Variants in OPA3 observed in about 807,000 individuals in gnomAD.
OPA3 encodes optic atrophy 3 protein.
A neutral mutation model predicts 4.0 loss-of-function variants in OPA3; 6 were observed. That is an observed-to-expected ratio of 1.51 (90% CI 0.83 to 2.99). The LOEUF (loss-of-function observed/expected upper bound fraction) is 2.99. OPA3 is among the 30% of genes most tolerant of loss of function. The pLI, the probability that OPA3 is intolerant of heterozygous loss-of-function variation, is 0.00. For synonymous variants in OPA3, 105 were observed against 117.1 expected, an observed-to-expected ratio of 0.90 and a Z score of 0.67; for missense variants, 235 against 256.2, an observed-to-expected ratio of 0.92 and a Z score of 0.56.
chr19:45,535,082 C>A (rs367700812), intron 1 of OPA3, among the ~76,000 whole-genome samples: 26 of 152,260 alleles, frequency 1.7e-4, no homozygotes, highest in Admixed American at 1.4e-3. Flanking sequence ...AGGTTCCCAA[C>A]AACAGGGATC....
chr19:45,537,410 A>AAAAAAAAAAAAAAAG (rs1555730890), intron 1 of OPA3, among the ~76,000 whole-genome samples: 6 of 120,116 alleles, frequency 5.0e-5, no homozygotes, highest in Non-Finnish European at 6.8e-5. Context: ...AAAAAAAAAA[A>AAAAAAAAAAAAAAAG]AAAAAAAAAA....
rs1398202291 is a variant in OPA3, at chr19:45,549,245, C to G, written c.*4269G>C. On this transcript the variant is annotated 3_prime_UTR_variant, in exon 2 of 2. Transcript: ENST00000263275. The stretch of plus-strand genomic sequence containing the variant: ...GCAGAACACACGAGCAGTGAACCAT[C>G]CTCTGGCCTCTTGCATTTTGAGAGG... 1.0e-6 allele frequency: 1 copy of G among 985,334 alleles called. No individual in the cohort carries two copies. Among genetic ancestry groups the G allele is most frequent in the African/African-American group, 1.7e-5 (1 of 57,254 alleles). 61.0% of individuals were successfully genotyped at this position (985,334 alleles called of 1,614,324 possible).
In OPA3 at chr19:45,564,831, CTAA is replaced by C. The variant is rs1969558750; in HGVS notation, c.143-10923_143-10921del. Among the ~76,000 whole-genome samples, 3 of 152,266 alleles carry C rather than the reference CTAA, an allele frequency of 2.0e-5. No individual in the cohort carries two copies. In the South Asian group the frequency reaches 6.2e-4, roughly 32 times the overall value. On this transcript the variant is annotated intron_variant, in intron 1 of 1. Coordinates refer to ENST00000263275, the MANE Select transcript of OPA3 (RefSeq NM_025136.4). ...TTTACTTTCTCTATAAAGTTTTATC[CTAA>C]TGTGACTTTTTTATGCTCAAATGTC...
In OPA3 at chr19:45,548,230, G is replaced by A. The variant is rs967970192; in HGVS notation, c.*5284C>T. The A allele has an allele frequency of 2.0e-6, 2 of 985,680 alleles. No individual in the cohort carries two copies. The highest frequency in any genetic ancestry group is 1.2e-6 in the Non-Finnish European group (1 of 830,022). 61.1% of individuals were successfully genotyped at this position (985,680 alleles called of 1,614,324 possible). A position where few individuals can be genotyped will look rare whatever the true frequency, so the allele number is the denominator to read the frequency against. On this transcript the variant is annotated 3_prime_UTR_variant, in exon 2 of 2. Coordinates refer to ENST00000263275, the MANE Select transcript of OPA3 (RefSeq NM_025136.4). ...CAGCAACACAGCGACCAGCCCAGGA[G>A]TAGCTCCGTGAGCCAATAGATCAGG...
chr19:45,531,102 C>T (rs1168599651), intron 1 of OPA3, among the ~76,000 whole-genome samples: 1 of 151,512 alleles, frequency 6.6e-6, no homozygotes, highest in Non-Finnish European at 1.5e-5. Flanking sequence ...TTTTTTTTTA[C>T]TGTTTATTGG....
At chr19:45,572,395 CAT>C (rs200917076) in intron 1 of OPA3, among the ~76,000 whole-genome samples, 8,907 of 123,512 alleles carry the variant, frequency 0.072, 775 homozygotes, top group East Asian at 0.18. Context: ...TATATATCAA[CAT>C]ATGAGATTAT....
Position 45,546,373 on chromosome 19 carries a change from C to A in OPA3, c.*7141G>T. 3.1e-6 allele frequency: 2 copies of A among 635,108 alleles called. No homozygotes were observed. Among genetic ancestry groups the A allele is most frequent in the Non-Finnish European group, 3.9e-6 (2 of 511,094 alleles). 39.3% of individuals were successfully genotyped at this position (635,108 alleles called of 1,614,324 possible). On this transcript the variant is annotated 3_prime_UTR_variant, in exon 2 of 2. Transcript: ENST00000263275. ...ATAGATGATGTTATGTTACACATGA[C>A]ATAAAATATATATTTTATATTCCAT...
intron 1 of OPA3, among the ~76,000 whole-genome samples, chr19:45,572,502 TATATATC>T (rs1427191990): frequency 1.3e-4 from 15 of 117,292 alleles, no homozygotes; most frequent in African/African-American, 3.9e-4. Flanking sequence ...ATATATGAGA[TATATATC>T]ATATATGAGA....
At position 45,551,021 on chromosome 19, in the gene OPA3, C is replaced by T. The variant is rs756206551; in HGVS notation, c.*2493G>A. 8.7e-6 allele frequency: 8 copies of T among 922,486 alleles called. No homozygotes were observed. Among genetic ancestry groups the T allele is most frequent in the African/African-American group, 1.8e-5 (1 of 55,928 alleles). The allele number at this position is 922,486 out of a possible 1,614,324, so 57.1% of individuals were successfully genotyped here. A position where few individuals can be genotyped will look rare whatever the true frequency, so the allele number is the denominator to read the frequency against. ...TGTCATCCAGGCTGGAGTGTAGTGGCGCGATCACGGCTCGCTGCAGCCTCG... is the reference window on the plus strand; with the variant it reads ...TGTCATCCAGGCTGGAGTGTAGTGGTGCGATCACGGCTCGCTGCAGCCTCG... On this transcript the variant is annotated 3_prime_UTR_variant, in exon 2 of 2. Coordinates refer to ENST00000263275, the MANE Select transcript of OPA3 (RefSeq NM_025136.4).
intron 1 of OPA3, among the ~76,000 whole-genome samples, chr19:45,572,600 T>TATATGTATATAAATATATATATCG: frequency 1.0e-5 from 1 of 97,100 alleles, no homozygotes; most frequent in Admixed American, 1.2e-4. Flanking sequence ...TATATATTGA[T>TATATGTATATAAATATATATATCG]ATATATCATA....
At chr19:45,559,397 C>CTTTTTTTTTTTTT (rs71338781) in intron 1 of OPA3, among the ~76,000 whole-genome samples, 7 of 59,930 alleles carry the variant, frequency 1.2e-4, no homozygotes, top group Non-Finnish European at 1.5e-4. Context: ...CTTTTTCTTT[C>CTTTTTTTTTTTTT]TTTTTTTTTT....
At chr19:45,545,710 C>CTTTTTTT (rs991429583), downstream of OPA3, among the ~76,000 whole-genome samples, 2 of 129,528 alleles carry the variant, frequency 1.5e-5, no homozygotes, top group African/African-American at 2.9e-5. Context: ...ACATGCTTTT[C>CTTTTTTT]TTTTTTTTTT....
chr19:45,552,163 C>A lies in OPA3; in HGVS notation c.*1351G>T. Reference sequence around the variant, plus strand: ...TCTGTTGGAATAGTCCACTTCGGGTCTCAAGGGAAGGTACAATGATTCCAG... The same window carrying A: ...TCTGTTGGAATAGTCCACTTCGGGTATCAAGGGAAGGTACAATGATTCCAG... On this transcript the variant is annotated 3_prime_UTR_variant, in exon 2 of 2. Transcript: ENST00000263275. The A allele has an allele frequency of 2.0e-6, 2 of 985,374 alleles. No individual in the cohort carries two copies. The highest frequency in any genetic ancestry group is 2.4e-6 in the Non-Finnish European group (2 of 829,972). The allele number at this position is 985,374 out of a possible 1,614,324, so 61.0% of individuals were successfully genotyped here.
chr19:45,531,724 A>G (rs990160696), intron 1 of OPA3, among the ~76,000 whole-genome samples: 2 of 152,194 alleles, frequency 1.3e-5, no homozygotes, highest in Non-Finnish European at 2.9e-5. Context: ...TCGAAATCCT[A>G]TTCCTCAGCA....
chr19:45,566,494 C>T (rs1193536659), intron 1 of OPA3, among the ~76,000 whole-genome samples: 36 of 124,410 alleles, frequency 2.9e-4, no homozygotes, highest in Admixed American at 1.5e-3. Context: ...TTTTTTGAGA[C>T]GGAGTCTCGC....
chr19:45,573,818 A>T (rs1440856253), intron 1 of OPA3, among the ~76,000 whole-genome samples: 1 of 152,208 alleles, frequency 6.6e-6, no homozygotes, highest in Non-Finnish European at 1.5e-5. Context: ...ATCTGAGTGC[A>T]CGAAGTCTTT....
At chr19:45,566,088 T>C (rs1199979893) in intron 1 of OPA3, among the ~76,000 whole-genome samples, 1 of 152,160 alleles carries the variant, frequency 6.6e-6, no homozygotes, top group African/African-American at 2.4e-5. Flanking sequence ...AAAAAGATAA[T>C]ATAGCATAAT....
chr19:45,582,830 A>G (rs1356738423), intron 1 of OPA3, among the ~76,000 whole-genome samples: 1 of 152,204 alleles, frequency 6.6e-6, no homozygotes, highest in Non-Finnish European at 1.5e-5. Context: ...CTCCTAAACC[A>G]TAATTTCTAA....
chr19:45,584,413 G>A, intron 1 of OPA3: 10 of 985,352 alleles, frequency 1.0e-5, no homozygotes, highest in Non-Finnish European at 1.2e-5. Flanking sequence ...CTACTCGCGT[G>A]GTGGCTCCTT....
Sources: allele counts gnomAD v4.1 joint callset (sites outside exome capture counted in the v4.1 genomes callset), GRCh38; gene constraint gnomAD v4.1.1; transcripts MANE v1.5; gene names NCBI Gene and HGNC (gene_info 2026-07-23, HGNC 2026-07-21).